L3MBTL4: variants seen among roughly 807,000 people sequenced by gnomAD.
The protein encoded by L3MBTL4 is L3MBTL histone methyl-lysine binding protein 4.
L3MBTL4 carries 70 observed loss-of-function variants against 84.5 expected under a neutral mutation model. That is an observed-to-expected ratio of 0.83 (90% CI 0.68 to 1.01). The LOEUF is 1.01. L3MBTL4 is among the 50% of genes least tolerant of loss of function. The pLI, the probability that L3MBTL4 is intolerant of heterozygous loss-of-function variation, is 0.00. For missense variants in L3MBTL4, 715 were observed against 754.8 expected (o/e 0.95, Z 0.62); for synonymous variants, 274 against 259.8 (o/e 1.05, Z -0.52).
At chr18:6,224,999 T>C (rs78829772) in intron 10 of L3MBTL4, among the ~76,000 whole-genome samples, 2,533 of 152,094 alleles carry the variant, frequency 0.017, 62 homozygotes, top group African/African-American at 0.057. Flanking sequence ...TAAACCTTTA[T>C]TGAATATCCT....
chr18:6,159,408 T>G (rs12964461), intron 13 of L3MBTL4, among the ~76,000 whole-genome samples: 3,271 of 152,302 alleles, frequency 0.021, 36 homozygotes, highest in Non-Finnish European at 0.033. Flanking sequence ...TTGCCTCACC[T>G]CTGGATGAGA....
intron 5 of L3MBTL4, among the ~76,000 whole-genome samples, chr18:6,252,934 T>C (rs1291242361): frequency 1.3e-5 from 2 of 152,196 alleles, no homozygotes; most frequent in Non-Finnish European, 2.9e-5. Context: ...CCGGGTGCGG[T>C]GGCTCACGCC....
intron 1 of L3MBTL4, among the ~76,000 whole-genome samples, chr18:6,406,652 C>G (rs900981744): frequency 6.6e-6 from 1 of 152,042 alleles, no homozygotes; most frequent in Admixed American, 6.6e-5. Context: ...ACAGACATCT[C>G]GTGAGGTGAG....
rs1244475713 is a variant in L3MBTL4 at position 6,272,245 on chromosome 18, G to A, written c.128-8207C>T. ...GGGGAGGACCCTGAGATAAAAAGGC[G>A]GGTGGTGAATGAGGTTAAAAGCAGA... is the stretch of plus-strand genomic sequence containing the variant. On this transcript the variant is annotated intron_variant, in intron 4 of 18. Transcript: ENST00000317931. Among the ~76,000 whole-genome samples, 3 of 152,294 alleles carry A rather than the reference G, an allele frequency of 2.0e-5. No homozygotes were observed. In the East Asian group the frequency reaches 5.8e-4, roughly 29 times the overall value.
intron 13 of L3MBTL4, among the ~76,000 whole-genome samples, chr18:6,164,384 C>T (rs1161930884): frequency 6.6e-6 from 1 of 152,228 alleles, no homozygotes; most frequent in Non-Finnish European, 1.5e-5. Flanking sequence ...ACTGCATCCT[C>T]AAGTGGGTCC....
chr18:6,286,796 C>G, intron 4 of L3MBTL4, among the ~76,000 whole-genome samples: 1 of 152,142 alleles, frequency 6.6e-6, no homozygotes, highest in East Asian at 1.9e-4. Flanking sequence ...CACTGAGTCT[C>G]TCTTAGGCTG....
At chr18:6,148,047 C>T (rs9964487) in intron 13 of L3MBTL4, among the ~76,000 whole-genome samples, 6,412 of 152,058 alleles carry the variant, frequency 0.042, 474 homozygotes, top group African/African-American at 0.15. Flanking sequence ...CTGTAGACTC[C>T]AGTCGAAGCA....
rs2576286 is a variant in L3MBTL4 at position 6,252,675 on chromosome 18, G to T, written c.220-8087C>A. Among the ~76,000 whole-genome samples, 666 of 152,282 alleles carry T rather than the reference G, an allele frequency of 4.4e-3. 4 individuals carry two copies. Among genetic ancestry groups the T allele is most frequent in the African/African-American group, 0.015 (621 of 41,564 alleles). On this transcript the variant is annotated intron_variant, in intron 5 of 18. Coordinates refer to ENST00000317931, the MANE Select transcript of L3MBTL4 (RefSeq NM_001330559.2). Reference sequence around the variant, plus strand: ...TACTAAATGAGCAGGCAGGACGCAGGCCATGATAAGACTCATATGTCCTGC... The same window carrying T: ...TACTAAATGAGCAGGCAGGACGCAGTCCATGATAAGACTCATATGTCCTGC...
intron 13 of L3MBTL4, among the ~76,000 whole-genome samples, chr18:6,138,596 A>C (rs1353528155): frequency 3.3e-5 from 5 of 152,182 alleles, no homozygotes; most frequent in African/African-American, 1.2e-4. Context: ...TCTGTTGCCC[A>C]GGCTGGAATG....
intron 1 of L3MBTL4, among the ~76,000 whole-genome samples, chr18:6,329,638 G>A (rs1019488832): frequency 1.4e-4 from 22 of 152,230 alleles, no homozygotes; most frequent in East Asian, 7.7e-4. Context: ...GCCTTCTTGC[G>A]GTGGGAACTG....
rs74515695 is a variant in L3MBTL4, at chr18:6,325,461, A to G, written c.-90-13405T>C. On this transcript the variant is annotated intron_variant, in intron 1 of 18. Coordinates refer to ENST00000317931, the MANE Select transcript of L3MBTL4 (RefSeq NM_001330559.2). ...CAGCCTCCCCAGTAACTGAGATTAC[A>G]GGTGCATGCCACCATGCCCAGCTTT... is the stretch of plus-strand genomic sequence containing the variant. Among the ~76,000 whole-genome samples the G allele has an allele frequency of 4.0e-3, 608 of 152,342 alleles. 8 individuals carry two copies. The highest frequency in any genetic ancestry group is 0.013 in the African/African-American group (561 of 41,588).
intron 10 of L3MBTL4, among the ~76,000 whole-genome samples, chr18:6,217,473 T>C (rs755993077): frequency 6.6e-5 from 10 of 152,260 alleles, no homozygotes; most frequent in Admixed American, 3.3e-4. Context: ...ATTTTCATTG[T>C]TGTATAATAT....
chr18:5,987,498 G>GTATC (rs2053515721), intron 16 of L3MBTL4, among the ~76,000 whole-genome samples: 1 of 152,190 alleles, frequency 6.6e-6, no homozygotes, highest in Non-Finnish European at 1.5e-5. Flanking sequence ...CTTGCTACTT[G>GTATC]TATCTGTCTT....
At chr18:6,366,446 C>T (rs181234258) in intron 1 of L3MBTL4, among the ~76,000 whole-genome samples, 1 of 152,266 alleles carries the variant, frequency 6.6e-6, no homozygotes, top group African/African-American at 2.4e-5. Context: ...TGAAAGTGTT[C>T]ACAGTATCAC....
At chr18:6,057,501 C>T (rs1279703215) in intron 16 of L3MBTL4, among the ~76,000 whole-genome samples, 4 of 152,132 alleles carry the variant, frequency 2.6e-5, no homozygotes, top group Admixed American at 2.6e-4. Context: ...CAGGAAACTT[C>T]TCTCTCTGTT....
chr18:6,326,212 A>T (rs2051708474), intron 1 of L3MBTL4, among the ~76,000 whole-genome samples: 1 of 152,208 alleles, frequency 6.6e-6, no homozygotes, highest in Non-Finnish European at 1.5e-5. Flanking sequence ...CGGAAATCAC[A>T]AGAAAGATAA....
intron 12 of L3MBTL4, among the ~76,000 whole-genome samples, chr18:6,212,105 A>G (rs1485848781): frequency 6.6e-6 from 1 of 152,240 alleles, no homozygotes; most frequent in Non-Finnish European, 1.5e-5. Flanking sequence ...TAAACTTAAA[A>G]CATTAATAAG....
At chr18:6,022,320 C>T (rs4798428) in intron 16 of L3MBTL4, among the ~76,000 whole-genome samples, 79,863 of 151,990 alleles carry the variant, frequency 0.53, 22,810 homozygotes, top group Non-Finnish European at 0.67. Context: ...TCTATGACCA[C>T]CGTTCTGCTC....
chr18:6,149,790 T>C (rs915776659), intron 13 of L3MBTL4, among the ~76,000 whole-genome samples: 8 of 152,190 alleles, frequency 5.3e-5, no homozygotes, highest in Non-Finnish European at 1.0e-4. Context: ...TGGTACTTGG[T>C]TTATGTAATT....
Sources: allele counts gnomAD v4.1 joint callset (sites outside exome capture counted in the v4.1 genomes callset), GRCh38; gene constraint gnomAD v4.1.1; transcripts MANE v1.5; gene names NCBI Gene and HGNC (gene_info 2026-07-23, HGNC 2026-07-21).